TCP11: variants seen among roughly 807,000 people sequenced by gnomAD.
TCP11 encodes the protein T-complex protein 11 homolog.
In TCP11, 34 loss-of-function variants were observed where a neutral mutation model predicts 45.0. The observed-to-expected ratio is 0.76, with a 90% CI of 0.57 to 1.01. The LOEUF is 1.01. Among genes scored for constraint, TCP11 ranks in the 50% least tolerant of loss-of-function variants. The pLI is 0.00. For synonymous variants in TCP11, 227 were observed against 227.0 expected, an observed-to-expected ratio of 1.00 and a Z score of 0.00; for missense variants, 523 against 598.1, an observed-to-expected ratio of 0.87 and a Z score of 1.31.
intron 4 of TCP11, 29 bp from the exon 5 acceptor site, chr6:35,122,366 G>T: frequency 1.3e-6 from 2 of 1,598,052 alleles, no homozygotes; most frequent in Non-Finnish European, 1.7e-6. Context: ...CAAAGGAGTT[G>T]ATCTGTTTAG....
chr6:35,129,310 A>G (rs1780160060), intron 3 of TCP11, 128 bp from the exon 4 acceptor site: 1 of 1,209,292 alleles, frequency 8.3e-7, no homozygotes, highest in African/African-American at 1.6e-5. Flanking sequence ...AAGGCCAGGA[A>G]CTATGTTGGA....
rs190788422 is a variant in TCP11, at chr6:35,119,211, C to T, written c.1279+17G>A. On this transcript the variant is annotated intron_variant, in intron 9 of 9. Transcript: ENST00000311875. ...TCTCTTCCCTCACCATTCTTACTAC[C>T]CCACAAGCATACTCACCAATAACAC... 186 of 1,613,034 alleles carry T rather than the reference C, an allele frequency of 1.2e-4. No individual in the cohort carries two copies. The African/African-American group carries it at 2.1e-3, about 18-fold the overall frequency.
At chr6:35,134,288 T>G (rs796098135) in intron 3 of TCP11, among the ~76,000 whole-genome samples, 1,496 of 140,584 alleles carry the variant, frequency 0.011, 21 homozygotes, top group African/African-American at 0.033. Context: ...TTTTTTTTTT[T>G]TTTTTTGGTT....
chr6:35,123,853 T>C (rs1561994817), intron 4 of TCP11, among the ~76,000 whole-genome samples: 1 of 150,360 alleles, frequency 6.7e-6, no homozygotes, highest in Admixed American at 6.6e-5. Context: ...AGTAGCATGA[T>C]CACAGCTCAC....
chr6:35,120,091 T>G lies in TCP11; in HGVS notation c.1115+68A>C. 1 of 1,552,956 alleles carries G rather than the reference T, an allele frequency of 6.4e-7. No individual in the cohort carries two copies. ...TTTGTGGTAGACAGTAAGCAATCGT[T>G]CATTACCTGCCTATGTTCTAAATAC... On this transcript the variant is annotated intron_variant, in intron 8 of 9. Transcript: ENST00000311875. The surrounding 1 kb of genome is among the most constrained non-coding windows in gnomAD (Gnocchi z 4.9).
At chr6:35,134,255 T>C (rs903368792) in intron 3 of TCP11, among the ~76,000 whole-genome samples, 1 of 150,118 alleles carries the variant, frequency 6.7e-6, no homozygotes, top group Non-Finnish European at 1.5e-5. Context: ...ATATAACCTA[T>C]GCACATCCAC....
chr6:35,141,086 T>A, intron 1 of TCP11, 119 bp downstream of exon 1: 1 of 1,256,996 alleles, frequency 8.0e-7, no homozygotes, highest in Non-Finnish European at 1.0e-6. Context: ...ACGAGGAAAC[T>A]AAAGCCACAG....
intron 4 of TCP11, among the ~76,000 whole-genome samples, chr6:35,125,204 GAAAAA>G (rs1355961223): frequency 6.9e-6 from 1 of 145,378 alleles, no homozygotes; most frequent in Non-Finnish European, 1.5e-5. Flanking sequence ...AAAAAAGAAA[GAAAAA>G]AGAAAAAAAG....
chr6:35,133,766 T>A (rs2127677349), intron 3 of TCP11, among the ~76,000 whole-genome samples: 1 of 151,664 alleles, frequency 6.6e-6, no homozygotes, highest in Non-Finnish European at 1.5e-5. Context: ...CACCCCAGCT[T>A]GGCGACAAAG....
chr6:35,136,307 T>A, intron 2 of TCP11, 89 bp from the exon 3 acceptor site: 2 of 944,776 alleles, frequency 2.1e-6, no homozygotes, highest in South Asian at 1.5e-5. Flanking sequence ...AAATTTAGAT[T>A]AATCAAACTG....
Position 35,141,317 on chromosome 6 carries a change from G to C in TCP11, c.-127C>G. 1 of 1,258,178 alleles carries C rather than the reference G, an allele frequency of 7.9e-7. No homozygotes were observed. The highest frequency in any genetic ancestry group is 2.5e-5 in the South Asian group (1 of 39,676). The allele number at this position is 1,258,178 out of a possible 1,614,324, so 77.9% of individuals were successfully genotyped here. On this transcript the variant is annotated 5_prime_UTR_variant, in exon 1 of 10. Coordinates refer to ENST00000311875, the MANE Select transcript of TCP11 (RefSeq NM_001370687.1). The stretch of plus-strand genomic sequence containing the variant: ...GCGGCGGGTTGGGGCGTCGCACGGT[G>C]AGAAAGGCCGGGGCCTGAGAACAAA...
chr6:35,139,011 A>C (rs1781426319), intron 2 of TCP11, among the ~76,000 whole-genome samples: 1 of 152,168 alleles, frequency 6.6e-6, no homozygotes, highest in Non-Finnish European at 1.5e-5. Flanking sequence ...GACATGGTGA[A>C]ACCCCGTCTC....
intron 4 of TCP11, among the ~76,000 whole-genome samples, chr6:35,123,845 T>C (rs1186265559): frequency 6.6e-6 from 1 of 151,710 alleles, no homozygotes; most frequent in Non-Finnish European, 1.5e-5. Flanking sequence ...TGGAGTGTAG[T>C]AGCATGATCA....
chr6:35,121,500 A>G (rs1213039541), intron 5 of TCP11, among the ~76,000 whole-genome samples: 2 of 151,606 alleles, frequency 1.3e-5, no homozygotes, highest in Non-Finnish European at 2.9e-5. Flanking sequence ...GTGTGAACCG[A>G]AAGAAGAGAA....
chr6:35,137,773 T>C, intron 2 of TCP11: 2 of 455,278 alleles, frequency 4.4e-6, no homozygotes, highest in Non-Finnish European at 8.8e-6. Context: ...TCATGATTTT[T>C]CACAGAAAAT....
In TCP11 at chr6:35,120,553, C is replaced by G. The variant is rs1237739096; in HGVS notation, c.809G>C (p.Ser270Thr). The change falls in exon 7 of 10, where the codon AGT becomes ACT. Residue 270 changes from serine (S) to threonine (T), a missense_variant. Ser to Thr is a moderately conservative substitution (Grantham distance 58, BLOSUM62 1). This residue lies in a region of TCP11 where 298 missense variants were observed against 387.9 expected (regional missense o/e 0.77). Transcript: ENST00000311875. The surrounding 1 kb of genome is among the most constrained non-coding windows in gnomAD (Gnocchi z 4.9). ...PTCPDTSDSSSVAGPSPNEAA... is the reference protein window; with the variant it reads ...PTCPDTSDSSTVAGPSPNEAA... ...CTCATTGGGAGAGGGGCCAGCCACA[C>G]TGGAGGAGTCAGAAGTGTCTGGGCA... 2.5e-6 allele frequency: 4 copies of G among 1,613,862 alleles called. No individual in the cohort carries two copies. The Admixed American group carries it at 6.7e-5, about 27-fold the overall frequency.
chr6:35,136,102 TA>T lies in TCP11; in HGVS notation c.236+4del. Reference sequence around the variant, plus strand: ...GCAACATGAAGAAAGAAGAAGAGTCTATACCTGCTTGGAGGTAAAACCTTCT... The same window carrying T: ...GCAACATGAAGAAAGAAGAAGAGTCTTACCTGCTTGGAGGTAAAACCTTCT... On this transcript the variant is annotated splice_donor_region_variant and intron_variant, in intron 3 of 9. Coordinates refer to ENST00000311875, the MANE Select transcript of TCP11 (RefSeq NM_001370687.1). 6.2e-7 allele frequency: 1 copy of T among 1,611,686 alleles called. No individual in the cohort carries two copies. The highest frequency in any genetic ancestry group is 1.3e-5 in the African/African-American group (1 of 74,982).
At position 35,120,009 on chromosome 6, in the gene TCP11, C is replaced by T; in HGVS notation, c.1115+150G>A. 9.5e-7 allele frequency: 1 copy of T among 1,049,366 alleles called. No individual in the cohort carries two copies. Among genetic ancestry groups the T allele is most frequent in the Non-Finnish European group, 1.3e-6 (1 of 753,800 alleles). The allele number at this position is 1,049,366 out of a possible 1,614,324, so 65.0% of individuals were successfully genotyped here. On this transcript the variant is annotated intron_variant, in intron 8 of 9. Transcript: ENST00000311875. This position sits in a 1 kb window ranked among gnomAD's most constrained non-coding sequence, Gnocchi z 4.9. ...TTTTTTTTTGTTACACCCTCATGAC[C>T]ACTTATGGAAAGAAACCAACAATCT...
At chr6:35,134,108 G>A (rs2127678576) in intron 3 of TCP11, among the ~76,000 whole-genome samples, 1 of 152,086 alleles carries the variant, frequency 6.6e-6, no homozygotes, top group South Asian at 2.1e-4. Flanking sequence ...TATATGGTAG[G>A]CAGCTGACAA....
Sources: gnomAD v4.1 joint callset for allele counts (sites outside exome capture counted in the v4.1 genomes callset) on GRCh38, gnomAD v4.1.1 for gene constraint, gnomAD v4.1.1 regional missense constraint, Gnocchi (gnomAD v3.1) non-coding constraint, MANE v1.5 for transcripts, NCBI Gene and HGNC (gene_info 2026-07-23, HGNC 2026-07-21) for gene names.